LUZP2: variants seen among roughly 807,000 people sequenced by gnomAD.
LUZP2 encodes leucine zipper protein 2.
LUZP2 carries 52 observed loss-of-function variants against 51.6 expected under a neutral mutation model. That is an observed-to-expected ratio of 1.01 (90% CI 0.81 to 1.27). The LOEUF (loss-of-function observed/expected upper bound fraction) is 1.27. Ranked by LOEUF, LUZP2 falls within the 50% of genes most tolerant of loss-of-function variation. LUZP2 has a pLI of 0.00. For missense variants in LUZP2, 436 were observed against 395.4 expected (o/e 1.10, Z -0.87); for synonymous variants, 154 against 137.3 (o/e 1.12, Z -0.85).
intron 1 of LUZP2, among the ~76,000 whole-genome samples, chr11:24,503,947 A>G (rs572969515): frequency 1.2e-4 from 17 of 147,808 alleles, no homozygotes; most frequent in Admixed American, 1.1e-3. Flanking sequence ...GAATTACAGT[A>G]ATAAGCAGTT....
chr11:24,745,749 C>T (rs7938825), intron 4 of LUZP2, among the ~76,000 whole-genome samples: 9,858 of 152,152 alleles, frequency 0.065, 1,074 homozygotes, highest in African/African-American at 0.22. Context: ...ACAATCTTGG[C>T]TCACTGCAAC....
chr11:24,714,884 C>T lies in LUZP2; in HGVS notation c.63-14285C>T, dbSNP rs1157078664. On this transcript the variant is annotated intron_variant, in intron 1 of 11. Coordinates refer to ENST00000336930, the MANE Select transcript of LUZP2 (RefSeq NM_001009909.4). ...CCACCAGAGAGACTGACACAGAAAG[C>T]TGTGCCCTTGCCATAGCATCAACAG... is the stretch of plus-strand genomic sequence containing the variant. 3.9e-5 allele frequency among the ~76,000 whole-genome samples: 6 copies of T among 152,300 alleles called. No individual in the cohort carries two copies. The South Asian group carries it at 1.2e-3, about 32-fold the overall frequency.
At chr11:24,520,270 C>T (rs117387096) in intron 1 of LUZP2, among the ~76,000 whole-genome samples, 230 of 152,198 alleles carry the variant, frequency 1.5e-3, no homozygotes, top group Non-Finnish European at 2.4e-3. Context: ...TACTCTAAAA[C>T]GCACTAGTGT....
chr11:24,795,415 A>G (rs1663083059), intron 5 of LUZP2, among the ~76,000 whole-genome samples: 1 of 152,174 alleles, frequency 6.6e-6, no homozygotes, highest in Admixed American at 6.6e-5. Flanking sequence ...ATGAGAAATA[A>G]GAAGAAAAGG....
intron 1 of LUZP2, among the ~76,000 whole-genome samples, chr11:24,588,308 T>A (rs1565010108): frequency 6.6e-6 from 1 of 152,068 alleles, no homozygotes; most frequent in Non-Finnish European, 1.5e-5. Context: ...TGCTTGTCAG[T>A]GAATTATAAA....
Position 24,793,217 on chromosome 11 carries a change from A to G in LUZP2, c.396+29909A>G, listed in dbSNP as rs1211488925. Among the ~76,000 whole-genome samples the G allele has an allele frequency of 1.4e-4, 22 of 152,088 alleles. 1 individual carries two copies. Among genetic ancestry groups the G allele is most frequent in the Admixed American group, 1.4e-3 (22 of 15,254 alleles). On this transcript the variant is annotated intron_variant, in intron 5 of 11. Coordinates refer to ENST00000336930, the MANE Select transcript of LUZP2 (RefSeq NM_001009909.4). Reference sequence around the variant, plus strand: ...TGATGAACTAACTCTTGTTATTTCAACCTTTCCTTGTGTCAAAGTTCAGCC... The same window carrying G: ...TGATGAACTAACTCTTGTTATTTCAGCCTTTCCTTGTGTCAAAGTTCAGCC...
At chr11:24,945,345 T>A (rs1470178613) in intron 7 of LUZP2, among the ~76,000 whole-genome samples, 2 of 152,152 alleles carry the variant, frequency 1.3e-5, no homozygotes, top group Non-Finnish European at 2.9e-5. Flanking sequence ...AGAAAAGTGA[T>A]TGTAACATTT....
chr11:25,063,948 C>T (rs1371125799), intron 10 of LUZP2, among the ~76,000 whole-genome samples: 9 of 151,720 alleles, frequency 5.9e-5, no homozygotes, highest in Non-Finnish European at 1.2e-4. Context: ...CAATATTAAA[C>T]TTTCTGAATG....
rs1387794580 is a variant in LUZP2, at chr11:24,741,937, A to AAATGTATATATTAT, written c.333+3638_333+3639insGTATATATTATAAT. Reference sequence around the variant, plus strand: ...ATATATACATTTATATATTATATATAAATATATACATTTATATATTATATA... The same window carrying AAATGTATATATTAT: ...ATATATACATTTATATATTATATATAAATGTATATATTATAATATATACATTTATATATTATATA... On this transcript the variant is annotated intron_variant, in intron 4 of 11. Transcript: ENST00000336930. Among the ~76,000 whole-genome samples, 49 of 13,016 alleles carry AAATGTATATATTAT rather than the reference A, an allele frequency of 3.8e-3. 1 individual carries two copies. The highest frequency in any genetic ancestry group is 0.023 in the South Asian group (5 of 220). 8.5% of individuals were successfully genotyped at this position (13,016 alleles called of 152,430 possible).
chr11:24,889,750 A>G (rs1852788610), intron 5 of LUZP2, among the ~76,000 whole-genome samples: 1 of 152,148 alleles, frequency 6.6e-6, no homozygotes, highest in South Asian at 2.1e-4. Flanking sequence ...TGATTTTTAA[A>G]CTCTGGCAAT....
chr11:24,498,492 A>C (rs552349993), intron 1 of LUZP2, among the ~76,000 whole-genome samples: 81 of 152,280 alleles, frequency 5.3e-4, no homozygotes, highest in African/African-American at 1.8e-3. Context: ...TCAATAATTG[A>C]TAAATTTAGT....
rs553671367 is a variant in LUZP2, at chr11:24,540,670, A to G, written c.62+43365A>G. 1.3e-4 allele frequency among the ~76,000 whole-genome samples: 20 copies of G among 152,230 alleles called. No homozygotes were observed. The South Asian group carries it at 3.7e-3, about 28-fold the overall frequency. On this transcript the variant is annotated intron_variant, in intron 1 of 11. Coordinates refer to ENST00000336930, the MANE Select transcript of LUZP2 (RefSeq NM_001009909.4). ...TATAGCATGCCAACTGTCCTTTAGA[A>G]GAATCCTAAAATAATTTTTACCTTG...
intron 9 of LUZP2, among the ~76,000 whole-genome samples, chr11:25,020,803 A>T (rs1328168665): frequency 6.6e-6 from 1 of 151,862 alleles, no homozygotes; most frequent in Non-Finnish European, 1.5e-5. Context: ...ACTTAAAATT[A>T]TTCAATTGAT....
intron 5 of LUZP2, among the ~76,000 whole-genome samples, chr11:24,805,007 C>CT (rs71044307): frequency 0.77 from 109,194 of 141,516 alleles, 43,714 homozygotes; most frequent in Non-Finnish European, 0.9. Context: ...ACCCGGCTAA[C>CT]TTTTTTTTTT....
chr11:24,954,932 G>C (rs1855174429), intron 7 of LUZP2, among the ~76,000 whole-genome samples: 1 of 151,972 alleles, frequency 6.6e-6, no homozygotes, highest in African/African-American at 2.4e-5. Context: ...AGAAAGAATA[G>C]GGTACCAAAT....
intron 10 of LUZP2, among the ~76,000 whole-genome samples, chr11:25,076,754 A>T (rs200539128): frequency 6.7e-4 from 88 of 131,702 alleles, no homozygotes; most frequent in Middle Eastern, 4.1e-3. Flanking sequence ...TTTTTAATTT[A>T]TTTTTTTTTT....
intron 9 of LUZP2, among the ~76,000 whole-genome samples, chr11:24,999,656 T>C (rs1454827882): frequency 1.3e-5 from 2 of 152,156 alleles, no homozygotes; most frequent in Non-Finnish European, 2.9e-5. Flanking sequence ...TGAGCCTCTC[T>C]GCCCAAAATA....
chr11:24,864,787 G>A (rs1396516307), intron 5 of LUZP2, among the ~76,000 whole-genome samples: 3 of 152,106 alleles, frequency 2.0e-5, no homozygotes, highest in Admixed American at 1.3e-4. Context: ...CACTCCTCAA[G>A]GTACGGAGAA....
chr11:24,814,906 G>T (rs1339063718), intron 5 of LUZP2, among the ~76,000 whole-genome samples: 1 of 150,456 alleles, frequency 6.6e-6, no homozygotes, highest in African/African-American at 2.5e-5. Flanking sequence ...GCAGGAGAAT[G>T]ACATGAACCC....
Sources: allele counts gnomAD v4.1 joint callset (sites outside exome capture counted in the v4.1 genomes callset), GRCh38; gene constraint gnomAD v4.1.1; transcripts MANE v1.5; gene names NCBI Gene and HGNC (gene_info 2026-07-23, HGNC 2026-07-21).